FAM13A: variants seen among roughly 807,000 people sequenced by gnomAD.
FAM13A encodes the protein family with sequence similarity 13 member A, also known as protein FAM13A.
Under a neutral mutation model 129.6 loss-of-function variants are expected in FAM13A, and 76 were observed. The ratio of observed to expected loss-of-function variants is 0.59; its 90% CI spans 0.49 to 0.71. FAM13A has a LOEUF of 0.71. Among genes scored for constraint, FAM13A ranks in the 30% least tolerant of loss-of-function variants. The pLI is 0.00. For missense variants in FAM13A, 1,108 were observed against 1,249.3 expected, an observed-to-expected ratio of 0.89 and a Z score of 1.70; for synonymous variants, 443 against 449.9, an observed-to-expected ratio of 0.98 and a Z score of 0.20.
intron 6 of FAM13A, among the ~76,000 whole-genome samples, chr4:88,870,678 T>C (rs1268838460): frequency 1.3e-5 from 2 of 152,200 alleles, no homozygotes; most frequent in African/African-American, 4.8e-5. Context: ...CTGCAGACTC[T>C]ACCTCTGGGA....
Position 88,931,467 on chromosome 4 carries a change from T to TG in FAM13A, c.759+6620dup, listed in dbSNP as rs537655088. On this transcript the variant is annotated intron_variant, in intron 5 of 23. Transcript: ENST00000264344. ...CCTCTCCTGGCTCTCAGTCAGTCCC[T>TG]GGCCATGCAGGCTGCCTCAAACCCT... 7.2e-5 allele frequency among the ~76,000 whole-genome samples: 11 copies of TG among 152,264 alleles called. No individual in the cohort carries two copies. The East Asian group carries it at 1.5e-3, about 21-fold the overall frequency.
At chr4:88,952,272 G>A (rs1757063836) in intron 4 of FAM13A, among the ~76,000 whole-genome samples, 1 of 151,914 alleles carries the variant, frequency 6.6e-6, no homozygotes, top group East Asian at 1.9e-4. Context: ...TAAATACCAA[G>A]AAACACATGT....
At chr4:88,769,358 A>C (rs1156446896) in intron 11 of FAM13A, among the ~76,000 whole-genome samples, 1 of 152,218 alleles carries the variant, frequency 6.6e-6, no homozygotes, top group East Asian at 1.9e-4. Flanking sequence ...AAGGGAGATA[A>C]TATAACATAG....
At chr4:88,828,539 A>G (rs917098716) in intron 7 of FAM13A, among the ~76,000 whole-genome samples, 1 of 152,156 alleles carries the variant, frequency 6.6e-6, no homozygotes, top group African/African-American at 2.4e-5. Flanking sequence ...AATCTGCTGT[A>G]TATATTATCT....
intron 23 of FAM13A, chr4:88,730,044 A>G (rs906319610): frequency 5.9e-5 from 9 of 152,342 alleles, no homozygotes; most frequent in Non-Finnish European, 8.8e-5. Context: ...TCCTAAAAGT[A>G]AATTCATACA....
At chr4:89,036,611 C>A (rs559790111) in intron 1 of FAM13A, among the ~76,000 whole-genome samples, 1 of 152,198 alleles carries the variant, frequency 6.6e-6, no homozygotes, top group Non-Finnish European at 1.5e-5. Flanking sequence ...TTCAGAGGAA[C>A]TGAATGTTAA....
chr4:88,892,246 C>G (rs1281799159), intron 6 of FAM13A, among the ~76,000 whole-genome samples: 4 of 141,228 alleles, frequency 2.8e-5, no homozygotes, highest in Non-Finnish European at 6.0e-5. Context: ...GTGGCGAGAT[C>G]TCGGCTCACT....
intron 5 of FAM13A, among the ~76,000 whole-genome samples, chr4:88,923,200 T>G (rs1350352320): frequency 2.0e-5 from 3 of 152,236 alleles, no homozygotes; most frequent in Non-Finnish European, 4.4e-5. Flanking sequence ...ACTCATTTTA[T>G]GAGGCCAGCA....
At chr4:88,788,397 A>T (rs557600395) in intron 9 of FAM13A, among the ~76,000 whole-genome samples, 2 of 152,176 alleles carry the variant, frequency 1.3e-5, no homozygotes, top group Non-Finnish European at 2.9e-5. Context: ...TCTATTTACA[A>T]TCTAAGACAA....
At chr4:88,870,738 G>A (rs540325119) in intron 6 of FAM13A, among the ~76,000 whole-genome samples, 9 of 152,316 alleles carry the variant, frequency 5.9e-5, no homozygotes, top group South Asian at 2.1e-4. Flanking sequence ...AGACTTAAAC[G>A]TCCCTGTCTG....
At chr4:88,766,666 T>A (rs976514664) in intron 13 of FAM13A, among the ~76,000 whole-genome samples, 2 of 152,136 alleles carry the variant, frequency 1.3e-5, no homozygotes, top group Non-Finnish European at 2.9e-5. Flanking sequence ...TAGACTGTGG[T>A]TGTCATTAAA....
At chr4:89,025,245 G>GGTTTTTTTT (rs1767779435) in intron 2 of FAM13A, among the ~76,000 whole-genome samples, 1 of 61,364 alleles carries the variant, frequency 1.6e-5, no homozygotes, top group Non-Finnish European at 3.2e-5. Flanking sequence ...TGGAATCATT[G>GGTTTTTTTT]TTTTTTTTTT....
chr4:89,044,095 C>CA (rs148233625), intron 1 of FAM13A, among the ~76,000 whole-genome samples: 10 of 116,192 alleles, frequency 8.6e-5, no homozygotes, highest in Non-Finnish European at 1.2e-4. Context: ...GAGACCATAT[C>CA]AAAAAAAAAG....
intron 7 of FAM13A, among the ~76,000 whole-genome samples, chr4:88,841,852 A>G (rs779170894): frequency 2.0e-5 from 3 of 152,202 alleles, no homozygotes; most frequent in Non-Finnish European, 4.4e-5. Flanking sequence ...TCATTCCTCA[A>G]AAAGTTAAAC....
At chr4:88,798,428 G>A (rs924165693) in intron 8 of FAM13A, among the ~76,000 whole-genome samples, 1 of 152,148 alleles carries the variant, frequency 6.6e-6, no homozygotes, top group Admixed American at 6.5e-5. Flanking sequence ...TGAGGGCAGA[G>A]AGGTGAAAAA....
At chr4:88,814,624 T>C (rs1730337780) in intron 7 of FAM13A, among the ~76,000 whole-genome samples, 1 of 152,156 alleles carries the variant, frequency 6.6e-6, no homozygotes, top group African/African-American at 2.4e-5. Context: ...AGGCCAGCAT[T>C]TAGTTTCTAA....
At chr4:88,972,460 C>T (rs1760246988) in intron 4 of FAM13A, among the ~76,000 whole-genome samples, 1 of 152,056 alleles carries the variant, frequency 6.6e-6, no homozygotes, top group Non-Finnish European at 1.5e-5. Flanking sequence ...TGCCACCACG[C>T]CTGGCTAATT....
At position 88,823,148 on chromosome 4, in the gene FAM13A, T is replaced by C. The variant is rs1732366400; in HGVS notation, c.1008-18096A>G. 4 of 1,501,980 alleles carry C rather than the reference T, an allele frequency of 2.7e-6. No individual in the cohort carries two copies. In the South Asian group the frequency reaches 5.5e-5, roughly 21 times the overall value. 93.0% of individuals were successfully genotyped at this position (1,501,980 alleles called of 1,614,324 possible). Reference sequence around the variant, plus strand: ...CCGCACGGCTGGAGAAACAACTTGCTCTGCAGTTGGCCAGTCTACTGCTGC... The same window carrying C: ...CCGCACGGCTGGAGAAACAACTTGCCCTGCAGTTGGCCAGTCTACTGCTGC... On this transcript the variant is annotated intron_variant, in intron 7 of 23. Coordinates refer to ENST00000264344, the MANE Select transcript of FAM13A (RefSeq NM_014883.4).
chr4:88,954,885 C>CAA (rs71598428), intron 4 of FAM13A, among the ~76,000 whole-genome samples: 31,670 of 123,410 alleles, frequency 0.26, 3,931 homozygotes, highest in Middle Eastern at 0.43. Context: ...GACTTCGTCT[C>CAA]AAAAAAAAAA....
Sources: allele counts gnomAD v4.1 joint callset (sites outside exome capture counted in the v4.1 genomes callset), GRCh38; gene constraint gnomAD v4.1.1; transcripts MANE v1.5; gene names NCBI Gene and HGNC (gene_info 2026-07-23, HGNC 2026-07-21).